The following GNG4 variants were observed in gnomAD, a reference collection of about 807,000 sequenced individuals.
The protein encoded by GNG4 is guanine nucleotide-binding protein G(I)/G(S)/G(O) subunit gamma-4.
In GNG4, 4 loss-of-function variants were observed where a neutral mutation model predicts 5.8. The observed-to-expected ratio is 0.69, with a 90% CI of 0.34 to 1.57. The LOEUF is 1.57. Ranked by LOEUF, GNG4 falls within the 40% of genes most tolerant of loss-of-function variation. The probability of loss-of-function intolerance (pLI) is 0.06; values close to 1 mark genes in which losing one functional copy is unlikely to be tolerated. For synonymous variants in GNG4, 29 were observed against 32.9 expected (o/e 0.88, Z 0.41); for missense variants, 96 against 95.1 (o/e 1.01, Z -0.04).
chr1:235,585,131 T>A (rs145554962), intron 2 of GNG4, among the ~76,000 whole-genome samples: 110 of 151,590 alleles, frequency 7.3e-4, no homozygotes, highest in Non-Finnish European at 1.2e-3. Flanking sequence ...CCTCCTTCCC[T>A]TCCTCCCTCC....
intron 1 of GNG4, among the ~76,000 whole-genome samples, chr1:235,620,682 C>T (rs1210081836): frequency 6.6e-6 from 1 of 152,074 alleles, no homozygotes; most frequent in African/African-American, 2.4e-5. Flanking sequence ...ACTACAGGTG[C>T]CCGCCACCAC....
intron 2 of GNG4, among the ~76,000 whole-genome samples, chr1:235,587,833 C>T (rs67085467): frequency 0.42 from 57,318 of 136,606 alleles, 12,411 homozygotes; most frequent in East Asian, 0.8. Context: ...TCAGAGCATG[C>T]GGGGTGAACG....
rs1408060058 is a variant in GNG4 at position 235,648,784 on chromosome 1, CG to C, written c.-123+877del. Among the ~76,000 whole-genome samples the C allele has an allele frequency of 6.6e-6, 1 of 152,216 alleles. No individual in the cohort carries two copies. Among genetic ancestry groups the C allele is most frequent in the Non-Finnish European group, 1.5e-5 (1 of 68,046 alleles). ...TGGGAGGCGACGGGTAGAGGAGAGACGCGGCAGCCGCGGGGCCGGGGAGACG... is the reference window on the plus strand; with the variant it reads ...TGGGAGGCGACGGGTAGAGGAGAGACCGGCAGCCGCGGGGCCGGGGAGACG... On this transcript the variant is annotated intron_variant, in intron 1 of 3. Transcript: ENST00000391854. This position sits in a 1 kb window ranked among gnomAD's most constrained non-coding sequence, Gnocchi z 5.0.
chr1:235,618,318 G>A (rs1279116507), intron 1 of GNG4, among the ~76,000 whole-genome samples: 2 of 152,144 alleles, frequency 1.3e-5, no homozygotes, highest in African/African-American at 2.4e-5. Context: ...GGAATCCTTC[G>A]TTGAACTGAA....
intron 2 of GNG4, among the ~76,000 whole-genome samples, chr1:235,593,248 A>C (rs577045529): frequency 6.6e-6 from 1 of 152,276 alleles, no homozygotes; most frequent in African/African-American, 2.4e-5. Flanking sequence ...GCATCCGACC[A>C]TGCTCTGTAA....
intron 3 of GNG4, among the ~76,000 whole-genome samples, chr1:235,558,807 C>A (rs1203777267): frequency 6.6e-6 from 1 of 152,204 alleles, no homozygotes; most frequent in Non-Finnish European, 1.5e-5. Flanking sequence ...CCTGGAGCAT[C>A]TCTGTGCCTC....
Position 235,560,810 on chromosome 1 carries a change from C to T in GNG4, c.100-8573G>A, listed in dbSNP as rs56315841. Among the ~76,000 whole-genome samples the T allele has an allele frequency of 3.9e-3, 599 of 152,284 alleles. 4 individuals are homozygous for T. The highest frequency in any genetic ancestry group is 3.3e-3 in the Non-Finnish European group (224 of 68,014). ...GAAGCATTTTCCCCTTTTATCTGATCCCAGTTCTAGAACTGCTCATCCTAA... is the reference window on the plus strand; with the variant it reads ...GAAGCATTTTCCCCTTTTATCTGATTCCAGTTCTAGAACTGCTCATCCTAA... On this transcript the variant is annotated intron_variant, in intron 3 of 3. Transcript: ENST00000391854.
At chr1:235,564,448 C>T (rs1236389941) in intron 3 of GNG4, among the ~76,000 whole-genome samples, 1 of 152,128 alleles carries the variant, frequency 6.6e-6, no homozygotes, top group Non-Finnish European at 1.5e-5. Flanking sequence ...TGAAACTAAC[C>T]AACTAACTAA....
Position 235,648,596 on chromosome 1 carries a change from G to A in GNG4, c.-123+1066C>T, listed in dbSNP as rs1657572978. Among the ~76,000 whole-genome samples, 1 of 152,248 alleles carries A rather than the reference G, an allele frequency of 6.6e-6. No homozygotes were observed. Among genetic ancestry groups the A allele is most frequent in the Non-Finnish European group, 1.5e-5 (1 of 68,040 alleles). ...CCCAGGTCCCCCATGGCTACTGTGA[G>A]GCATTCGCCGCTGCAAATTTCCTGT... On this transcript the variant is annotated intron_variant, in intron 1 of 3. Coordinates refer to ENST00000391854, the MANE Select transcript of GNG4 (RefSeq NM_001098722.2). This position sits in a 1 kb window ranked among gnomAD's most constrained non-coding sequence, Gnocchi z 5.0.
chr1:235,587,995 G>A (rs1022462987), intron 2 of GNG4, among the ~76,000 whole-genome samples: 4 of 151,750 alleles, frequency 2.6e-5, no homozygotes, highest in African/African-American at 9.7e-5. Context: ...AACGTTACCG[G>A]GGAAAGCAGC....
At chr1:235,570,865 T>TGTGTGTGG (rs1687319273) in intron 3 of GNG4, among the ~76,000 whole-genome samples, 1 of 149,350 alleles carries the variant, frequency 6.7e-6, no homozygotes, top group Non-Finnish European at 1.5e-5. Flanking sequence ...TATATATATG[T>TGTGTGTGG]GTGTGTGTGT....
intron 1 of GNG4, among the ~76,000 whole-genome samples, chr1:235,602,199 G>A (rs1688270266): frequency 6.6e-6 from 1 of 152,148 alleles, no homozygotes; most frequent in Non-Finnish European, 1.5e-5. Flanking sequence ...TTGAACCCAG[G>A]AGGCGGAGGT....
chr1:235,593,585 G>T (rs184097585), intron 2 of GNG4, among the ~76,000 whole-genome samples: 1 of 152,362 alleles, frequency 6.6e-6, no homozygotes, highest in Non-Finnish European at 1.5e-5. Flanking sequence ...CCCGCGCCGT[G>T]AGTGTTACAA....
intron 1 of GNG4, among the ~76,000 whole-genome samples, chr1:235,617,917 A>G (rs1246118112): frequency 1.3e-5 from 2 of 151,770 alleles, no homozygotes; most frequent in African/African-American, 4.8e-5. Flanking sequence ...AAGAAAGAAA[A>G]GAAAAGACAA....
In GNG4 at chr1:235,628,423, G is replaced by A. The variant is rs538105297; in HGVS notation, c.-123+21239C>T. On this transcript the variant is annotated intron_variant, in intron 1 of 3. Coordinates refer to ENST00000391854, the MANE Select transcript of GNG4 (RefSeq NM_001098722.2). Reference sequence around the variant, plus strand: ...CAAAGCCTTGTTAGGAGACGGGGGGGGGTTACAAGACCCTAGAACAAAATG... The same window carrying A: ...CAAAGCCTTGTTAGGAGACGGGGGGAGGTTACAAGACCCTAGAACAAAATG... Among the ~76,000 whole-genome samples, 737 of 151,896 alleles carry A rather than the reference G, an allele frequency of 4.9e-3. 9 individuals carry two copies. Among genetic ancestry groups the A allele is most frequent in the African/African-American group, 0.016 (677 of 41,324 alleles).
intron 1 of GNG4, among the ~76,000 whole-genome samples, chr1:235,630,493 T>G (rs1015513285): frequency 6.6e-6 from 1 of 152,144 alleles, no homozygotes; most frequent in Non-Finnish European, 1.5e-5. Context: ...GCCGGGTGTT[T>G]TGTTTGTCCC....
chr1:235,602,810 G>T (rs886586696), intron 1 of GNG4, among the ~76,000 whole-genome samples: 1 of 152,186 alleles, frequency 6.6e-6, no homozygotes, highest in Non-Finnish European at 1.5e-5. Flanking sequence ...GGTTCTCCTA[G>T]CGTTCATCGT....
In GNG4 at chr1:235,547,892, C is replaced by T. The variant is rs933350111; in HGVS notation, c.*4217G>A. The T allele has an allele frequency of 1.1e-4, 16 of 152,128 alleles. No individual in the cohort carries two copies. The highest frequency in any genetic ancestry group is 2.0e-4 in the Admixed American group (3 of 15,256). 9.4% of individuals were successfully genotyped at this position (152,128 alleles called of 1,614,324 possible). A position where few individuals can be genotyped will look rare whatever the true frequency, so the allele number is the denominator to read the frequency against. ...CTTAGGACTGATCTCTACTTGCAAC[C>T]GCATGGATGAATTTTGCTGGGTTTT... On this transcript the variant is annotated 3_prime_UTR_variant, in exon 4 of 4. Coordinates refer to ENST00000391854, the MANE Select transcript of GNG4 (RefSeq NM_001098722.2).
At chr1:235,626,836 G>A (rs1688820551) in intron 1 of GNG4, among the ~76,000 whole-genome samples, 1 of 151,882 alleles carries the variant, frequency 6.6e-6, no homozygotes, top group Admixed American at 6.6e-5. Context: ...GCACATGCCT[G>A]TAATCCCAGC....
Sources: gnomAD v4.1 joint callset for allele counts (sites outside exome capture counted in the v4.1 genomes callset) on GRCh38, gnomAD v4.1.1 for gene constraint, Gnocchi (gnomAD v3.1) non-coding constraint, MANE v1.5 for transcripts, NCBI Gene and HGNC (gene_info 2026-07-23, HGNC 2026-07-21) for gene names.